Variants in CPLANE1 observed in about 807,000 individuals in gnomAD.
CPLANE1 encodes the protein ciliogenesis and planar polarity effector 1.
CPLANE1 carries 263 observed loss-of-function variants against 362.5 expected under a neutral mutation model. The observed-to-expected ratio is 0.73, with a 90% CI of 0.66 to 0.80. The LOEUF (loss-of-function observed/expected upper bound fraction) is 0.80, where lower values mean the gene tolerates loss of function less well. Ranked by LOEUF, CPLANE1 falls within the 30% of genes least tolerant of loss-of-function variation. CPLANE1 has a pLI of 0.00. For missense variants in CPLANE1, 3,461 were observed against 3,793.4 expected, an observed-to-expected ratio of 0.91 and a Z score of 2.30; for synonymous variants, 1,212 against 1,302.6, an observed-to-expected ratio of 0.93 and a Z score of 1.50.
intron 6 of CPLANE1, among the ~76,000 whole-genome samples, chr5:37,241,193 C>T (rs184755548): frequency 1.3e-5 from 2 of 152,028 alleles, no homozygotes; most frequent in African/African-American, 4.8e-5. Flanking sequence ...GTGGCTAATG[C>T]CTGTAATCCC....
intron 42 of CPLANE1, among the ~76,000 whole-genome samples, chr5:37,152,641 C>A (rs1222692250): frequency 1.3e-5 from 2 of 152,170 alleles, no homozygotes; most frequent in East Asian, 3.9e-4. Context: ...ACAATCCCAA[C>A]ACTTTTGGAG....
intron 32 of CPLANE1, among the ~76,000 whole-genome samples, chr5:37,172,938 C>T (rs543302815): frequency 3.9e-5 from 6 of 152,054 alleles, no homozygotes; most frequent in Non-Finnish European, 7.4e-5. Flanking sequence ...GAGCCGAGAT[C>T]GCGCCACTGC....
rs1266859062 is a variant in CPLANE1, at chr5:37,121,697, T to C, written c.9105A>G (p.Pro3035=). The C allele has an allele frequency of 6.2e-7, 1 of 1,613,816 alleles. No homozygotes were observed. Among genetic ancestry groups the C allele is most frequent in the Non-Finnish European group, 8.5e-7 (1 of 1,179,660 alleles). Residue 3035 remains proline (P), a synonymous_variant, in exon 49 of 53, where the codon CCA becomes CCG. Transcript: ENST00000651892. ...TAGGCAATGGTTTCTGTGGTAGAGT[T>C]GGTAGCTGTACTGACTCAGATAACA... ...NELLSESVQL[P]TLPQKPLPNK...
intron 47 of CPLANE1, among the ~76,000 whole-genome samples, chr5:37,124,366 C>T (rs996376728): frequency 2.3e-4 from 35 of 152,120 alleles, no homozygotes; most frequent in Admixed American, 2.3e-3. Flanking sequence ...ATATACCTGA[C>T]CTAGCCTGGT....
intron 39 of CPLANE1, 64 bp from the exon 40 acceptor site, chr5:37,157,932 CAAAAAAAAAAAA>C (rs1157107088): frequency 1.5e-4 from 10 of 67,470 alleles, no homozygotes; most frequent in East Asian, 8.3e-4. Context: ...GTCACTCCGC[CAAAAAAAAAAAA>C]AAAAAAAAAA....
rs1795370632 is a variant in CPLANE1 at position 37,221,611 on chromosome 5, A to G, written c.2582-123T>C. The G allele has an allele frequency of 7.6e-6, 4 of 523,140 alleles. No individual in the cohort carries two copies. In the South Asian group the frequency reaches 2.9e-4, roughly 38 times the overall value. 32.4% of individuals were successfully genotyped at this position (523,140 alleles called of 1,614,324 possible). A position where few individuals can be genotyped will look rare whatever the true frequency, so the allele number is the denominator to read the frequency against. On this transcript the variant is annotated intron_variant, in intron 14 of 52. Transcript: ENST00000651892. ...ATCAAGTTGTACACTCATGATATGT[A>G]AACTTTTCTGCATCTGTTTCACACT...
intron 31 of CPLANE1, among the ~76,000 whole-genome samples, chr5:37,175,194 C>G (rs987597164): frequency 2.0e-5 from 3 of 152,182 alleles, no homozygotes; most frequent in Non-Finnish European, 4.4e-5. Flanking sequence ...GCACAAGTCA[C>G]TGGCACTCAG....
chr5:37,186,435 T>C (rs770616795), intron 23 of CPLANE1, 41 bp from the exon 24 acceptor site: 2 of 842,840 alleles, frequency 2.4e-6, no homozygotes, highest in Non-Finnish European at 4.1e-6. Flanking sequence ...AGAAACATCA[T>C]TCTTTTTTTT....
intron 7 of CPLANE1, 35 bp from the exon 8 acceptor site, chr5:37,238,995 A>C: frequency 9.2e-7 from 1 of 1,082,942 alleles, no homozygotes; most frequent in South Asian, 1.7e-5. Context: ...AAACTATTAA[A>C]ATTATTTTAC....
intron 19 of CPLANE1, among the ~76,000 whole-genome samples, chr5:37,200,114 T>C (rs2151432372): frequency 6.6e-6 from 1 of 152,348 alleles, no homozygotes; most frequent in South Asian, 2.1e-4. Context: ...CCCAAGTCTT[T>C]GGTAACATAA....
chr5:37,167,348 T>G (rs910093789), intron 34 of CPLANE1, 135 bp from the exon 35 acceptor site: 36 of 718,920 alleles, frequency 5.0e-5, no homozygotes, highest in Non-Finnish European at 6.7e-5. Context: ...ATATAACAAA[T>G]TGATTTAAAC....
intron 51 of CPLANE1, among the ~76,000 whole-genome samples, chr5:37,111,836 T>G (rs1579778430): frequency 6.6e-6 from 1 of 150,424 alleles, no homozygotes; most frequent in African/African-American, 2.5e-5. Context: ...AAAAACCATA[T>G]AAAGGAAAAA....
intron 27 of CPLANE1, 48 bp from the exon 28 acceptor site, chr5:37,180,231 G>T: frequency 1.6e-6 from 2 of 1,251,224 alleles, no homozygotes; most frequent in Non-Finnish European, 2.1e-6. Context: ...TGGAGATAAA[G>T]AGCTAATTCA....
At chr5:37,131,085 C>T (rs1225859334) in intron 46 of CPLANE1, among the ~76,000 whole-genome samples, 1 of 152,176 alleles carries the variant, frequency 6.6e-6, no homozygotes, top group Non-Finnish European at 1.5e-5. Context: ...ACTTTGCCAA[C>T]GTATTTTGTT....
chr5:37,175,842 A>G, intron 31 of CPLANE1, 67 bp downstream of exon 31: 1 of 1,087,426 alleles, frequency 9.2e-7, no homozygotes, highest in Non-Finnish European at 1.4e-6. Flanking sequence ...TACAGTCGGC[A>G]TACTTTCACT....
Position 37,195,327 on chromosome 5 carries a change from G to A in CPLANE1, c.3811+531C>T, listed in dbSNP as rs568283816. Among the ~76,000 whole-genome samples, 11 of 152,264 alleles carry A rather than the reference G, an allele frequency of 7.2e-5. 1 individual carries two copies. Among genetic ancestry groups the A allele is most frequent in the East Asian group, 3.9e-4 (2 of 5,176 alleles). ...ATTAAGAAATTAATTTAGGTCAGGCGCAATGGCTCATGCCTGCAATCCCAA... is the reference window on the plus strand; with the variant it reads ...ATTAAGAAATTAATTTAGGTCAGGCACAATGGCTCATGCCTGCAATCCCAA... On this transcript the variant is annotated intron_variant, in intron 21 of 52. Coordinates refer to ENST00000651892, the MANE Select transcript of CPLANE1 (RefSeq NM_001384732.1).
intron 47 of CPLANE1, chr5:37,124,784 T>G (rs1763700475): frequency 1.7e-6 from 1 of 573,610 alleles, no homozygotes; most frequent in African/African-American, 2.0e-5. Flanking sequence ...CAACTCTTGG[T>G]CACAAGTGAT....
chr5:37,214,062 A>C (rs1042251919), intron 15 of CPLANE1, among the ~76,000 whole-genome samples: 5 of 152,180 alleles, frequency 3.3e-5, no homozygotes, highest in African/African-American at 1.2e-4. Context: ...ATAACCTAGA[A>C]ATATCAATAA....
At chr5:37,098,400 A>C in the CPLANE1 span, among the ~76,000 whole-genome samples, 1 of 150,046 alleles carries the variant, frequency 6.7e-6, no homozygotes, top group African/African-American at 2.4e-5. Flanking sequence ...CAAAAAAAAA[A>C]AAAAAAAAAA....
Sources: allele counts gnomAD v4.1 joint callset (sites outside exome capture counted in the v4.1 genomes callset), GRCh38; gene constraint gnomAD v4.1.1; transcripts MANE v1.5; gene names NCBI Gene and HGNC (gene_info 2026-07-23, HGNC 2026-07-21).